Variants in MARK3 observed in about 807,000 individuals in gnomAD.
MARK3 encodes microtubule affinity regulating kinase 3.
A neutral mutation model predicts 90.1 loss-of-function variants in MARK3; 46 were observed. The observed-to-expected ratio is 0.51, with a 90% CI of 0.40 to 0.65. The LOEUF (loss-of-function observed/expected upper bound fraction) is 0.65, where lower values mean the gene tolerates loss of function less well. Ranked by LOEUF, MARK3 falls within the 30% of genes least tolerant of loss-of-function variation. The pLI, the probability that MARK3 is intolerant of heterozygous loss-of-function variation, is 0.00. For synonymous variants in MARK3, 321 were observed against 332.6 expected (o/e 0.97, Z 0.38); for missense variants, 818 against 947.2 (o/e 0.86, Z 1.79).
intron 2 of MARK3, among the ~76,000 whole-genome samples, chr14:103,427,565 A>T (rs1176193866): frequency 2.6e-5 from 4 of 151,218 alleles, no homozygotes; most frequent in Admixed American, 1.3e-4. Context: ...CAGCTGCTTG[A>T]CTGAGTCTAC....
intron 2 of MARK3, among the ~76,000 whole-genome samples, chr14:103,408,110 G>T (rs902519919): frequency 6.6e-6 from 1 of 152,112 alleles, no homozygotes; most frequent in African/African-American, 2.4e-5. Flanking sequence ...GAAGATGACA[G>T]AACTTAACAC....
At chr14:103,500,135 T>C in intron 16 of MARK3, 21 bp from the exon 17 acceptor site, 2 of 1,603,038 alleles carry the variant, frequency 1.2e-6, no homozygotes, top group Non-Finnish European at 1.7e-6. Context: ...TTCTCTCTGC[T>C]TCTACATTCT....
intron 3 of MARK3, among the ~76,000 whole-genome samples, chr14:103,433,376 C>T (rs911688286): frequency 1.3e-5 from 2 of 151,994 alleles, no homozygotes; most frequent in Middle Eastern, 3.4e-3. Context: ...CCTGAGCCAC[C>T]GTGCTCAGCC....
intron 13 of MARK3, among the ~76,000 whole-genome samples, chr14:103,475,536 T>C (rs2093699703): frequency 6.6e-6 from 1 of 152,190 alleles, no homozygotes. Flanking sequence ...AAGGGCCCTG[T>C]TCTCTGCTTC....
intron 12 of MARK3, among the ~76,000 whole-genome samples, chr14:103,473,188 G>T (rs2141718946): frequency 6.6e-6 from 1 of 152,336 alleles, no homozygotes; most frequent in East Asian, 1.9e-4. Flanking sequence ...TAGCAAAAGG[G>T]AGAGTAAGAG....
At chr14:103,400,982 T>TGC (rs2090929008) in intron 1 of MARK3, among the ~76,000 whole-genome samples, 4 of 141,820 alleles carry the variant, frequency 2.8e-5, no homozygotes, top group Admixed American at 2.7e-4. Context: ...TGTGTGTGTG[T>TGC]ATGCAGGTTG....
At chr14:103,413,476 G>T (rs1464930731) in intron 2 of MARK3, among the ~76,000 whole-genome samples, 2 of 146,732 alleles carry the variant, frequency 1.4e-5, no homozygotes, top group East Asian at 2.0e-4. Context: ...GCCCAGGCTG[G>T]AGTGCAGCGC....
At chr14:103,433,088 C>CTTTTTTTTTT (rs371171878) in intron 3 of MARK3, among the ~76,000 whole-genome samples, 2 of 116,020 alleles carry the variant, frequency 1.7e-5, no homozygotes, top group African/African-American at 2.9e-5. Flanking sequence ...CTTTTCTTTT[C>CTTTTTTTTTT]TTTTCTTTTT....
intron 1 of MARK3, among the ~76,000 whole-genome samples, chr14:103,387,388 T>C (rs1303499052): frequency 6.6e-6 from 1 of 152,182 alleles, no homozygotes; most frequent in Non-Finnish European, 1.5e-5. Context: ...ATTAGAAAAT[T>C]ATATAAAGAG....
chr14:103,443,454 G>A (rs1239255222), intron 3 of MARK3, among the ~76,000 whole-genome samples: 1 of 152,132 alleles, frequency 6.6e-6, no homozygotes, highest in Non-Finnish European at 1.5e-5. Flanking sequence ...TAGCATATAG[G>A]ACTAAATACT....
At chr14:103,469,488 A>G (rs1210425596) in intron 12 of MARK3, among the ~76,000 whole-genome samples, 1 of 146,600 alleles carries the variant, frequency 6.8e-6, no homozygotes, top group African/African-American at 2.6e-5. Flanking sequence ...GGCCTTATTT[A>G]TTTGTTTATT....
chr14:103,388,709 G>C (rs1467844961), intron 1 of MARK3, among the ~76,000 whole-genome samples: 3 of 152,128 alleles, frequency 2.0e-5, no homozygotes, highest in Non-Finnish European at 4.4e-5. Context: ...GGTAACCACT[G>C]ATCTGCTTTC....
At chr14:103,427,427 G>T (rs2092441927) in intron 2 of MARK3, among the ~76,000 whole-genome samples, 2 of 144,348 alleles carry the variant, frequency 1.4e-5, no homozygotes, top group South Asian at 4.3e-4. Flanking sequence ...GAAAACTTGG[G>T]AGATGGAGGT....
intron 5 of MARK3, among the ~76,000 whole-genome samples, chr14:103,455,304 C>T (rs1440391360): frequency 1.3e-5 from 2 of 152,198 alleles, no homozygotes; most frequent in Admixed American, 6.5e-5. Context: ...ACATTGTGTG[C>T]TTTTCTGCAA....
chr14:103,399,938 CTTT>C (rs11323012), intron 1 of MARK3, among the ~76,000 whole-genome samples: 3 of 145,046 alleles, frequency 2.1e-5, no homozygotes, highest in Non-Finnish European at 4.5e-5. Context: ...CCCCACCCTC[CTTT>C]TTTTTTTTTG....
At chr14:103,461,303 C>T (rs1213397993) in intron 6 of MARK3, among the ~76,000 whole-genome samples, 1 of 152,200 alleles carries the variant, frequency 6.6e-6, no homozygotes, top group Non-Finnish European at 1.5e-5. Context: ...GAATATATTT[C>T]TATAGACTTT....
chr14:103,389,466 T>C (rs997525068), intron 1 of MARK3, among the ~76,000 whole-genome samples: 29 of 128,460 alleles, frequency 2.3e-4, no homozygotes, highest in African/African-American at 8.5e-4. Flanking sequence ...AGGTGAAGGT[T>C]GCAGTGAGCC....
intron 4 of MARK3, among the ~76,000 whole-genome samples, chr14:103,450,916 GTAT>G (rs1566865987): frequency 5.2e-5 from 3 of 58,130 alleles, no homozygotes; most frequent in African/African-American, 1.8e-4. Context: ...GTGTGTGTGT[GTAT>G]TCTTTTTTTT....
At position 103,404,768 on chromosome 14, in the gene MARK3, A is replaced by G. The variant is rs75575156; in HGVS notation, c.52-308A>G. Among the ~76,000 whole-genome samples the G allele has an allele frequency of 1.7e-3, 263 of 152,270 alleles. 5 individuals carry two copies. In the East Asian group the frequency reaches 0.048, roughly 28 times the overall value. On this transcript the variant is annotated intron_variant, in intron 1 of 17. Transcript: ENST00000429436. ...CAGGTGTGCAGGTGCACTTACTAAC[A>G]TATGGAAAAGTTAAGCACTGTATAA...
Sources: gnomAD v4.1 joint callset for allele counts (sites outside exome capture counted in the v4.1 genomes callset) on GRCh38, gnomAD v4.1.1 for gene constraint, MANE v1.5 for transcripts, NCBI Gene and HGNC (gene_info 2026-07-23, HGNC 2026-07-21) for gene names.